Variants in IPO5 observed in about 807,000 individuals in gnomAD.
IPO5 encodes importin-5.
In IPO5, 18 loss-of-function variants were observed where a neutral mutation model predicts 143.3. The ratio of observed to expected loss-of-function variants is 0.13; its 90% confidence interval spans 0.09 to 0.19. The LOEUF (loss-of-function observed/expected upper bound fraction) is 0.19. Ranked by LOEUF, IPO5 falls within the 10% of genes least tolerant of loss-of-function variation. The pLI, the probability that IPO5 is intolerant of heterozygous loss-of-function variation, is 1.00. For synonymous variants in IPO5, 477 were observed against 465.7 expected, an observed-to-expected ratio of 1.02 and a Z score of -0.31; for missense variants, 1,013 against 1,336.9, an observed-to-expected ratio of 0.76 and a Z score of 3.78.
At chr13:97,959,249 T>C (rs1741333595) in intron 2 of IPO5, among the ~76,000 whole-genome samples, 1 of 151,992 alleles carries the variant, frequency 6.6e-6, no homozygotes, top group African/African-American at 2.4e-5. Flanking sequence ...GCTGCTGAAC[T>C]ATCAGGGTGC....
intron 16 of IPO5, among the ~76,000 whole-genome samples, chr13:98,005,531 T>C (rs1189768301): frequency 6.6e-6 from 1 of 151,976 alleles, no homozygotes; most frequent in Non-Finnish European, 1.5e-5. Context: ...ATATTGCTGG[T>C]GACAGGACGG....
chr13:97,954,661 ACTT>A (rs1884341609), intron 2 of IPO5, among the ~76,000 whole-genome samples: 1 of 152,352 alleles, frequency 6.6e-6, no homozygotes, highest in East Asian at 1.9e-4. Flanking sequence ...CACCTGGTTA[ACTT>A]CTTCTCCTAG....
chr13:97,975,814 T>A (rs74108111), intron 3 of IPO5: 1 of 486,104 alleles, frequency 2.1e-6, no homozygotes, highest in African/African-American at 2.1e-5. Context: ...TACGTGTACA[T>A]CCGAAGACGA....
At chr13:97,977,670 T>C (rs916534505) in intron 4 of IPO5, among the ~76,000 whole-genome samples, 1 of 152,222 alleles carries the variant, frequency 6.6e-6, no homozygotes, top group South Asian at 2.1e-4. Context: ...ATTTTAAATA[T>C]ATCTGTAAGC....
intron 4 of IPO5, among the ~76,000 whole-genome samples, chr13:97,981,612 C>T (rs935717144): frequency 6.6e-6 from 1 of 152,216 alleles, no homozygotes; most frequent in Non-Finnish European, 1.5e-5. Flanking sequence ...CCACATTAGA[C>T]TCAACTCTAA....
chr13:98,023,729 C>T lies in IPO5; in HGVS notation c.*1907C>T, dbSNP rs1411205526. 2.6e-5 allele frequency: 4 copies of T among 152,138 alleles called. No individual in the cohort carries two copies. Among genetic ancestry groups the T allele is most frequent in the African/African-American group, 9.7e-5 (4 of 41,422 alleles). The allele number at this position is 152,138 out of a possible 1,614,324, so 9.4% of individuals were successfully genotyped here. On this transcript the variant is annotated 3_prime_UTR_variant, in exon 29 of 29. Transcript: ENST00000651721. The stretch of plus-strand genomic sequence containing the variant: ...TTCTAAGAGCTCTGAAAGAAGCGCT[C>T]TGTTAGATGCAGACTGGCAGCATCC...
chr13:98,011,724 C>T (rs1199527111), intron 20 of IPO5, among the ~76,000 whole-genome samples: 1 of 152,172 alleles, frequency 6.6e-6, no homozygotes, highest in East Asian at 1.9e-4. Context: ...CCAGGCTGGT[C>T]TCGAACTCCT....
At chr13:97,978,738 G>T (rs1886599808) in intron 4 of IPO5, among the ~76,000 whole-genome samples, 1 of 152,170 alleles carries the variant, frequency 6.6e-6, no homozygotes, top group South Asian at 2.1e-4. Context: ...AGTTGCTTAA[G>T]TCTCTATTGT....
rs146674149 is a variant in IPO5 at position 98,009,671 on chromosome 13, T to C, written c.1801-210T>C. Among the ~76,000 whole-genome samples, 891 of 152,336 alleles carry C rather than the reference T, an allele frequency of 5.8e-3. 8 individuals are homozygous for C. Among genetic ancestry groups the C allele is most frequent in the African/African-American group, 0.02 (831 of 41,574 alleles). The stretch of plus-strand genomic sequence containing the variant: ...TCTGGTCTTTGTGTTTTGCCTCACC[T>C]GCTGTCCATATCCCAGTGTAGTGAG... On this transcript the variant is annotated intron_variant, in intron 18 of 28. Transcript: ENST00000651721.
chr13:97,979,747 G>T, intron 4 of IPO5: 1 of 388,128 alleles, frequency 2.6e-6, no homozygotes, highest in South Asian at 1.9e-5. Context: ...GCCCAGGCTG[G>T]TCTTGAACTC....
chr13:98,017,545 G>A (rs936473484), intron 25 of IPO5, among the ~76,000 whole-genome samples: 3 of 151,562 alleles, frequency 2.0e-5, no homozygotes, highest in Non-Finnish European at 2.9e-5. Flanking sequence ...TGATCCACCC[G>A]CCTCGGCCTC....
intron 6 of IPO5, among the ~76,000 whole-genome samples, chr13:97,988,452 A>G (rs2078864244): frequency 6.6e-6 from 1 of 152,208 alleles, no homozygotes; most frequent in Non-Finnish European, 1.5e-5. Flanking sequence ...ATATTTGTAC[A>G]GTTAAAAGTG....
Position 98,009,953 on chromosome 13 carries a change from G to A in IPO5, c.1873G>A (p.Val625Met), listed in dbSNP as rs1263306361. The A allele has an allele frequency of 6.2e-7, 1 of 1,614,056 alleles. No homozygotes were observed. The highest frequency in any genetic ancestry group is 8.5e-7 in the Non-Finnish European group (1 of 1,179,956). ...AAAAGAATTTCAGCAATACCTTCCA[G>A]TGGTTATGGGGCCTTTAATGAAGAC... Reference protein sequence around the residue: ...LGKEFQQYLPVVMGPLMKTAS... With the variant: ...LGKEFQQYLPMVMGPLMKTAS... Residue 625 changes from valine to methionine, a missense_variant, in exon 19 of 29, where the codon GTG becomes ATG. Val to Met is a conservative substitution (Grantham distance 21). This residue lies in a region of IPO5 where 685 missense variants were observed against 994.9 expected (regional missense o/e 0.69). Transcript: ENST00000651721.
chr13:98,003,261 G>A (rs1386033079), intron 16 of IPO5, among the ~76,000 whole-genome samples: 1 of 152,174 alleles, frequency 6.6e-6, no homozygotes, highest in Non-Finnish European at 1.5e-5. Context: ...TAAAGGTCAG[G>A]TAAAATCAGT....
intron 22 of IPO5, 126 bp from the exon 23 acceptor site, chr13:98,015,404 A>T: frequency 1.6e-6 from 1 of 632,162 alleles, no homozygotes; most frequent in South Asian, 2.0e-5. Flanking sequence ...CAAGCTAAGC[A>T]TATGTAAATA....
chr13:98,002,591 T>G lies in IPO5; in HGVS notation c.1233T>G (p.Pro411=), dbSNP rs759296955. Residue 411 remains proline (P), a splice_region_variant and synonymous_variant, in exon 14 of 29, where the codon CCT becomes CCG. Coordinates refer to ENST00000651721, the MANE Select transcript of IPO5 (RefSeq NM_002271.6). ...TTGTTTTACTTTTTCTCCAGGATCC[T>G]GTAAGTACCAGTAAATATTTGATTC... ...VNFVLLFLQD[P]HPRVRYAACN... is the part of the protein sequence containing the mutation. The G allele has an allele frequency of 1.2e-6, 2 of 1,613,130 alleles. No individual in the cohort carries two copies. The highest frequency in any genetic ancestry group is 1.3e-5 in the African/African-American group (1 of 75,008).
intron 25 of IPO5, 47 bp from the exon 26 acceptor site, chr13:98,018,438 T>C: frequency 2.3e-6 from 3 of 1,313,280 alleles, no homozygotes; most frequent in Non-Finnish European, 3.3e-6. Flanking sequence ...CTTTACATTC[T>C]TTGTGTACAC....
intron 12 of IPO5, among the ~76,000 whole-genome samples, chr13:97,998,407 CAG>C (rs770385408): frequency 1.1e-4 from 17 of 152,178 alleles, no homozygotes; most frequent in Non-Finnish European, 1.9e-4. Flanking sequence ...CTTTTACAGG[CAG>C]AGACTTCCCT....
chr13:97,977,533 G>T (rs115902937), intron 4 of IPO5, among the ~76,000 whole-genome samples: 2 of 152,158 alleles, frequency 1.3e-5, no homozygotes, highest in African/African-American at 2.4e-5. Context: ...TGGGACTTCC[G>T]TTGTTTAACT....
Sources: gnomAD v4.1 joint callset for allele counts (sites outside exome capture counted in the v4.1 genomes callset) on GRCh38, gnomAD v4.1.1 for gene constraint, gnomAD v4.1.1 regional missense constraint, MANE v1.5 for transcripts, NCBI Gene and HGNC (gene_info 2026-07-23, HGNC 2026-07-21) for gene names.